The following ARL14EPL variants were observed in gnomAD, a reference collection of about 807,000 sequenced individuals.
ARL14EPL encodes ARL14 effector protein-like.
Under a neutral mutation model 15.9 loss-of-function variants are expected in ARL14EPL, and 17 were observed. That is an observed-to-expected ratio of 1.07 (90% CI 0.73 to 1.60). The LOEUF (loss-of-function observed/expected upper bound fraction) is 1.60, where lower values mean the gene tolerates loss of function less well. Among genes scored for constraint, ARL14EPL ranks in the 40% most tolerant of loss-of-function variants. ARL14EPL has a pLI of 0.00. For missense variants in ARL14EPL, 214 were observed against 185.9 expected, an observed-to-expected ratio of 1.15 and a Z score of -0.88; for synonymous variants, 78 against 63.8, an observed-to-expected ratio of 1.22 and a Z score of -1.06.
chr5:116,051,474 A>G lies in ARL14EPL; in HGVS notation c.9A>G (p.Glu3=), dbSNP rs1561579780. ...TTTTTAAGTGATCAGAGATGAATGA[A>G]CAATCAGAGAAAAACAATTCCATTC... MN[E]QSEKNNSIQE... The change falls in exon 2 of 4, where the codon GAA becomes GAG. Residue 3 remains glutamate (E), a synonymous_variant. Transcript: ENST00000686077. The G allele has an allele frequency of 1.3e-6, 2 of 1,533,290 alleles. No homozygotes were observed. The highest frequency in any genetic ancestry group is 8.7e-7 in the Non-Finnish European group (1 of 1,144,482). The allele number at this position is 1,533,290 out of a possible 1,614,324, so 95.0% of individuals were successfully genotyped here. A position where few individuals can be genotyped will look rare whatever the true frequency, so the allele number is the denominator to read the frequency against.
At chr5:116,043,929 T>C (rs1024832094) in intron 1 of ARL14EPL, among the ~76,000 whole-genome samples, 6 of 152,162 alleles carry the variant, frequency 3.9e-5, no homozygotes, top group Admixed American at 1.3e-4. Context: ...AGGTCAAACA[T>C]TGGCCAAAGA....
intron 1 of ARL14EPL, among the ~76,000 whole-genome samples, chr5:116,046,973 C>G (rs1026912031): frequency 1.3e-5 from 2 of 152,068 alleles, no homozygotes; most frequent in Non-Finnish European, 2.9e-5. Context: ...TGTGTGCATA[C>G]CAAGAAAAGG....
At chr5:116,058,627 T>C (rs1303118216) in intron 3 of ARL14EPL, 98 bp from the exon 4 acceptor site, 5 of 1,178,222 alleles carry the variant, frequency 4.2e-6, no homozygotes, top group Admixed American at 2.1e-5. Flanking sequence ...TGGGTCAGGG[T>C]AAAATGGTCA....
chr5:116,033,743 T>C (rs1330976777), intron 1 of ARL14EPL, among the ~76,000 whole-genome samples: 1 of 152,212 alleles, frequency 6.6e-6, no homozygotes, highest in Non-Finnish European at 1.5e-5. Flanking sequence ...AAACTCTTTC[T>C]ACCCAAGCTA....
intron 1 of ARL14EPL, among the ~76,000 whole-genome samples, chr5:116,048,047 C>T (rs984271158): frequency 1.3e-5 from 2 of 152,286 alleles, no homozygotes; most frequent in South Asian, 2.1e-4. Context: ...TCTATTCTGA[C>T]CCAAGCCTGT....
At chr5:116,057,553 C>T (rs2457141) in intron 3 of ARL14EPL, among the ~76,000 whole-genome samples, 114,826 of 152,076 alleles carry the variant, frequency 0.76, 43,832 homozygotes, top group African/African-American at 0.79. Flanking sequence ...TACTCCATCA[C>T]TCTTATAATA....
chr5:116,041,098 T>C (rs139831188), intron 1 of ARL14EPL, among the ~76,000 whole-genome samples: 116 of 152,200 alleles, frequency 7.6e-4, no homozygotes, highest in African/African-American at 2.7e-3. Flanking sequence ...ATGTATTCTC[T>C]TGTTATCCCC....
intron 1 of ARL14EPL, among the ~76,000 whole-genome samples, chr5:116,042,610 T>G (rs1308604066): frequency 6.6e-6 from 1 of 152,178 alleles, no homozygotes; most frequent in Non-Finnish European, 1.5e-5. Flanking sequence ...TCTTGGAGCC[T>G]TTCAATTGGA....
Position 116,059,257 on chromosome 5 carries a change from G to A in ARL14EPL, c.*310G>A, listed in dbSNP as rs1445855289. 3.9e-6 allele frequency: 1 copy of A among 257,402 alleles called. No individual in the cohort carries two copies. The highest frequency in any genetic ancestry group is 8.2e-5 in the East Asian group (1 of 12,138). 15.9% of individuals were successfully genotyped at this position (257,402 alleles called of 1,614,324 possible). The stretch of plus-strand genomic sequence containing the variant: ...CTCTTCCCTCTTTGCTGATATCTGA[G>A]AAAATGTAGCTTTAAGATTTTCAAA... On this transcript the variant is annotated 3_prime_UTR_variant, in exon 4 of 4. Coordinates refer to ENST00000686077, the MANE Select transcript of ARL14EPL (RefSeq NM_001195581.2).
At chr5:116,053,349 C>T (rs1168673279) in intron 2 of ARL14EPL, among the ~76,000 whole-genome samples, 1 of 73,640 alleles carries the variant, frequency 1.4e-5, no homozygotes, top group Non-Finnish European at 3.7e-5. Flanking sequence ...GAGACCCTAT[C>T]TCAAAAAAAA....
chr5:116,059,238 C>A lies in ARL14EPL; in HGVS notation c.*291C>A. 6.3e-6 allele frequency: 2 copies of A among 317,376 alleles called. No homozygotes were observed. The highest frequency in any genetic ancestry group is 1.2e-5 in the Non-Finnish European group (2 of 169,536). The allele number at this position is 317,376 out of a possible 1,614,324, so 19.7% of individuals were successfully genotyped here. The stretch of plus-strand genomic sequence containing the variant: ...CTGCCTTCAAATTAAAACTCTCTTC[C>A]CTCTTTGCTGATATCTGAGAAAATG... On this transcript the variant is annotated 3_prime_UTR_variant, in exon 4 of 4. Coordinates refer to ENST00000686077, the MANE Select transcript of ARL14EPL (RefSeq NM_001195581.2).
rs543451214 is a variant in ARL14EPL, at chr5:116,040,241, C to G, written c.-10+7736C>G. Among the ~76,000 whole-genome samples, 4 of 152,040 alleles carry G rather than the reference C, an allele frequency of 2.6e-5. 1 individual carries two copies. Among genetic ancestry groups the G allele is most frequent in the African/African-American group, 9.6e-5 (4 of 41,488 alleles). On this transcript the variant is annotated intron_variant, in intron 1 of 3. Transcript: ENST00000686077. The stretch of plus-strand genomic sequence containing the variant: ...TATACCAAATGGCTATATATAATTT[C>G]TATTATAGGCATTTGGTTTAATCAC...
intron 2 of ARL14EPL, among the ~76,000 whole-genome samples, chr5:116,052,448 C>T (rs1749409305): frequency 6.6e-6 from 1 of 152,166 alleles, no homozygotes; most frequent in African/African-American, 2.4e-5. Flanking sequence ...TCACACCATA[C>T]TATTGTTAAC....
rs554412389 is a variant in ARL14EPL, at chr5:116,056,667, C to T, written c.237-2058C>T. Among the ~76,000 whole-genome samples the T allele has an allele frequency of 2.6e-4, 39 of 152,252 alleles. 1 individual carries two copies. The South Asian group carries it at 6.4e-3, about 25-fold the overall frequency. On this transcript the variant is annotated intron_variant, in intron 3 of 3. Coordinates refer to ENST00000686077, the MANE Select transcript of ARL14EPL (RefSeq NM_001195581.2). ...TTTAGTTTAATTAGATCCCATTTGTCAATTTTGTCTTTTGTTGCCATTGCT... is the reference window on the plus strand; with the variant it reads ...TTTAGTTTAATTAGATCCCATTTGTTAATTTTGTCTTTTGTTGCCATTGCT...
intron 1 of ARL14EPL, among the ~76,000 whole-genome samples, chr5:116,041,524 T>C (rs924751933): frequency 6.6e-6 from 1 of 152,192 alleles, no homozygotes; most frequent in African/African-American, 2.4e-5. Context: ...CTCCTCTCTG[T>C]TGACTTTATT....
intron 1 of ARL14EPL, among the ~76,000 whole-genome samples, chr5:116,046,510 G>A (rs886489717): frequency 2.0e-5 from 3 of 152,172 alleles, no homozygotes; most frequent in African/African-American, 7.2e-5. Flanking sequence ...TGAAGATAGA[G>A]GTATGGACCT....
rs923452162 is a variant in ARL14EPL, at chr5:116,052,269, C to T, written c.96+708C>T. 23 of 1,553,342 alleles carry T rather than the reference C, an allele frequency of 1.5e-5. No homozygotes were observed. The Admixed American group carries it at 2.0e-4, about 14-fold the overall frequency. ...GACTTTCCAGCGTCCTTCTTCTCGTCGTCCTTGGGCGGCATTGCGAAGCTC... is the reference window on the plus strand; with the variant it reads ...GACTTTCCAGCGTCCTTCTTCTCGTTGTCCTTGGGCGGCATTGCGAAGCTC... On this transcript the variant is annotated intron_variant, in intron 2 of 3. Transcript: ENST00000686077.
intron 1 of ARL14EPL, among the ~76,000 whole-genome samples, chr5:116,036,044 C>G (rs1454731341): frequency 6.6e-6 from 1 of 152,210 alleles, no homozygotes; most frequent in Non-Finnish European, 1.5e-5. Flanking sequence ...TTTACATAGT[C>G]CGAGTCCTAA....
intron 2 of ARL14EPL, chr5:116,052,110 TA>T (rs1749395984): frequency 6.2e-7 from 1 of 1,612,958 alleles, no homozygotes; most frequent in Non-Finnish European, 8.5e-7. Flanking sequence ...GGAACTTCCT[TA>T]CAGAGTTTGT....
Sources: gnomAD v4.1 joint callset for allele counts (sites outside exome capture counted in the v4.1 genomes callset) on GRCh38, gnomAD v4.1.1 for gene constraint, MANE v1.5 for transcripts, NCBI Gene and HGNC (gene_info 2026-07-23, HGNC 2026-07-21) for gene names.